Variants in NUDT3 observed in about 807,000 individuals in gnomAD.
The protein encoded by NUDT3 is diphosphoinositol polyphosphate phosphohydrolase 1.
NUDT3 carries 9 observed loss-of-function variants against 23.6 expected under a neutral mutation model. The observed-to-expected ratio is 0.38, with a 90% confidence interval of 0.23 to 0.66. NUDT3 has a LOEUF of 0.66. Ranked by LOEUF, NUDT3 falls within the 30% of genes least tolerant of loss-of-function variation. The pLI is 0.52. For missense variants in NUDT3, 172 were observed against 218.5 expected (o/e 0.79, Z 1.34); for synonymous variants, 86 against 82.6 (o/e 1.04, Z -0.22).
intron 1 of NUDT3, among the ~76,000 whole-genome samples, chr6:34,362,899 C>T (rs533952271): frequency 3.3e-5 from 5 of 152,308 alleles, no homozygotes; most frequent in African/African-American, 1.2e-4. Flanking sequence ...TCAGATGTGA[C>T]TCTAAAGCCA....
intron 2 of NUDT3, among the ~76,000 whole-genome samples, chr6:34,305,273 CA>C (rs1763663455): frequency 6.6e-6 from 1 of 152,100 alleles, no homozygotes; most frequent in African/African-American, 2.4e-5. Context: ...TGTGAGCCAC[CA>C]CGCCCAGCCT....
chr6:34,354,749 A>ATATATATATATATATTTATT (rs570166534), intron 1 of NUDT3, among the ~76,000 whole-genome samples: 14 of 144,532 alleles, frequency 9.7e-5, no homozygotes, highest in Non-Finnish European at 1.2e-4. Flanking sequence ...ATATATATAT[A>ATATATATATATATATTTATT]TATTTATTTA....
chr6:34,371,686 CT>C (rs1764832355), intron 1 of NUDT3, among the ~76,000 whole-genome samples: 1 of 152,122 alleles, frequency 6.6e-6, no homozygotes, highest in African/African-American at 2.4e-5. Context: ...GGGAAATAGA[CT>C]GGCAAGATGA....
intron 2 of NUDT3, among the ~76,000 whole-genome samples, chr6:34,306,931 T>G (rs1763689792): frequency 6.6e-6 from 1 of 152,228 alleles, no homozygotes; most frequent in Non-Finnish European, 1.5e-5. Flanking sequence ...AAGGAGCAAT[T>G]CTTTTTTAAA....
At chr6:34,382,946 T>C (rs1255492021) in intron 1 of NUDT3, among the ~76,000 whole-genome samples, 1 of 151,560 alleles carries the variant, frequency 6.6e-6, no homozygotes, top group Admixed American at 6.6e-5. Flanking sequence ...GCTAAGGTGG[T>C]GAAACCCCTA....
At chr6:34,296,654 T>C (rs1243682433) in intron 2 of NUDT3, among the ~76,000 whole-genome samples, 1 of 152,172 alleles carries the variant, frequency 6.6e-6, no homozygotes, top group African/African-American at 2.4e-5. Context: ...AAATACATAC[T>C]AAATGCCTAA....
At chr6:34,386,548 T>C (rs1036254849) in intron 1 of NUDT3, among the ~76,000 whole-genome samples, 8 of 152,098 alleles carry the variant, frequency 5.3e-5, no homozygotes, top group African/African-American at 1.7e-4. Flanking sequence ...CAGCCTCTCA[T>C]TGCTGGTCTA....
At chr6:34,307,397 AG>A (rs1763698559) in intron 2 of NUDT3, among the ~76,000 whole-genome samples, 1 of 152,062 alleles carries the variant, frequency 6.6e-6, no homozygotes, top group Non-Finnish European at 1.5e-5. Context: ...TGGGAAACAA[AG>A]CGAGACCCCA....
At chr6:34,327,516 G>A (rs182835291) in intron 2 of NUDT3, among the ~76,000 whole-genome samples, 141 of 142,776 alleles carry the variant, frequency 9.9e-4, no homozygotes, top group African/African-American at 3.0e-3. Context: ...GCAATAGGGC[G>A]AGACTCCGCC....
At chr6:34,378,585 A>G (rs534669154) in intron 1 of NUDT3, among the ~76,000 whole-genome samples, 1 of 152,344 alleles carries the variant, frequency 6.6e-6, no homozygotes, top group East Asian at 1.9e-4. Context: ...CTTAGAAGAT[A>G]GGCCCACACT....
At chr6:34,335,279 G>A (rs76167527) in intron 2 of NUDT3, among the ~76,000 whole-genome samples, 14,588 of 152,152 alleles carry the variant, frequency 0.096, 799 homozygotes, top group Non-Finnish European at 0.12. Context: ...AAAAGTGAAC[G>A]GGGTCAGTGT....
intron 2 of NUDT3, among the ~76,000 whole-genome samples, chr6:34,337,129 T>C (rs1764219729): frequency 6.6e-6 from 1 of 152,226 alleles, no homozygotes; most frequent in South Asian, 2.1e-4. Flanking sequence ...TTATTGTTTG[T>C]ACATTTTATT....
chr6:34,291,593 C>T (rs1248424644), intron 4 of NUDT3, among the ~76,000 whole-genome samples: 1 of 152,070 alleles, frequency 6.6e-6, no homozygotes, highest in Non-Finnish European at 1.5e-5. Context: ...ACCTCCACCT[C>T]CTAGGTTCAA....
intron 1 of NUDT3, among the ~76,000 whole-genome samples, chr6:34,391,205 C>T (rs945320946): frequency 1.6e-4 from 24 of 152,202 alleles, no homozygotes; most frequent in Non-Finnish European, 2.2e-4. Flanking sequence ...AGTTCCTTTC[C>T]CCATTTCGAC....
At chr6:34,342,096 A>G (rs1764296639) in intron 1 of NUDT3, 124 bp from the exon 2 acceptor site, 2 of 805,952 alleles carry the variant, frequency 2.5e-6, no homozygotes, top group Admixed American at 6.1e-5. Flanking sequence ...TGCCTTCCCA[A>G]ATCACTTCTT....
At chr6:34,289,897 T>C (rs1763392694) in intron 4 of NUDT3, among the ~76,000 whole-genome samples, 1 of 152,174 alleles carries the variant, frequency 6.6e-6, no homozygotes, top group Admixed American at 6.5e-5. Context: ...AGAAACAATC[T>C]TGAGACAACC....
chr6:34,371,241 C>T (rs1195927724), intron 1 of NUDT3, among the ~76,000 whole-genome samples: 1 of 152,072 alleles, frequency 6.6e-6, no homozygotes, highest in Non-Finnish European at 1.5e-5. Context: ...GAGGCCGAGG[C>T]AGGCAGATCA....
intron 1 of NUDT3, among the ~76,000 whole-genome samples, chr6:34,351,211 A>G (rs796314067): frequency 1.5e-5 from 2 of 134,536 alleles, no homozygotes; most frequent in Non-Finnish European, 3.2e-5. Context: ...AAAAAAAAAA[A>G]AAAAAAAAAA....
chr6:34,311,757 T>C (rs1484513732), intron 2 of NUDT3, among the ~76,000 whole-genome samples: 1 of 152,066 alleles, frequency 6.6e-6, no homozygotes, highest in Non-Finnish European at 1.5e-5. Context: ...AGCCCAGAAA[T>C]AGACCTACAT....
Sources: gnomAD v4.1 joint callset for allele counts (sites outside exome capture counted in the v4.1 genomes callset) on GRCh38, gnomAD v4.1.1 for gene constraint, MANE v1.5 for transcripts, NCBI Gene and HGNC (gene_info 2026-07-23, HGNC 2026-07-21) for gene names.